Variants in ERC2 observed in about 807,000 individuals in gnomAD.
ERC2 encodes the protein ERC protein 2.
In ERC2, 42 loss-of-function variants were observed where a neutral mutation model predicts 114.8. The observed-to-expected ratio is 0.37, with a 90% CI of 0.29 to 0.47. ERC2 has a LOEUF of 0.47. ERC2 is among the 20% of genes least tolerant of loss of function. The pLI is 0.99. For synonymous variants in ERC2, 454 were observed against 425.5 expected, an observed-to-expected ratio of 1.07 and a Z score of -0.82; for missense variants, 939 against 1,150.7, an observed-to-expected ratio of 0.82 and a Z score of 2.66.
chr3:55,884,712 T>G (rs1260791724), intron 14 of ERC2, among the ~76,000 whole-genome samples: 1 of 152,090 alleles, frequency 6.6e-6, no homozygotes, highest in Non-Finnish European at 1.5e-5. Flanking sequence ...AGTAATCCTG[T>G]GAATGGGAGA....
chr3:56,244,526 A>G (rs1403398070), intron 3 of ERC2, among the ~76,000 whole-genome samples: 21 of 152,070 alleles, frequency 1.4e-4, no homozygotes, highest in Admixed American at 1.4e-3. Flanking sequence ...CAGTGGGATC[A>G]TCAACATCAA....
intron 3 of ERC2, among the ~76,000 whole-genome samples, chr3:56,180,036 GAGA>G (rs2083205017): frequency 6.6e-6 from 1 of 152,142 alleles, no homozygotes; most frequent in South Asian, 2.1e-4. Flanking sequence ...AAAGGAGCCT[GAGA>G]AGGACAGCTA....
At chr3:55,635,390 TTTTC>T (rs1256344832) in intron 17 of ERC2, among the ~76,000 whole-genome samples, 1 of 152,034 alleles carries the variant, frequency 6.6e-6, no homozygotes, top group Non-Finnish European at 1.5e-5. Context: ...AGATGATTTT[TTTTC>T]TTTCTTTTTT....
At chr3:55,766,100 A>G (rs1301476637) in intron 14 of ERC2, among the ~76,000 whole-genome samples, 1 of 152,206 alleles carries the variant, frequency 6.6e-6, no homozygotes, top group African/African-American at 2.4e-5. Context: ...CAAGGCTGCC[A>G]GGAGGAGCAG....
At chr3:55,618,952 TC>T (rs147485289) in intron 17 of ERC2, among the ~76,000 whole-genome samples, 5 of 152,332 alleles carry the variant, frequency 3.3e-5, no homozygotes, top group African/African-American at 7.2e-5. Flanking sequence ...TCTTGCCTTA[TC>T]AGCACATATA....
At chr3:55,718,445 A>G (rs997187850) in intron 15 of ERC2, among the ~76,000 whole-genome samples, 1 of 152,246 alleles carries the variant, frequency 6.6e-6, no homozygotes, top group African/African-American at 2.4e-5. Flanking sequence ...AAAATATCCA[A>G]CAATGGCTTA....
chr3:56,435,478 A>T (rs1339011954), intron 1 of ERC2, among the ~76,000 whole-genome samples: 1 of 152,224 alleles, frequency 6.6e-6, no homozygotes, highest in Non-Finnish European at 1.5e-5. Context: ...CCTCTAGAAA[A>T]TTCCCCATGG....
intron 17 of ERC2, among the ~76,000 whole-genome samples, chr3:55,573,731 T>C (rs2056839601): frequency 6.6e-6 from 1 of 152,170 alleles, no homozygotes; most frequent in Middle Eastern, 3.4e-3. Context: ...TTAATGTGAG[T>C]GCACACAGTT....
At chr3:55,898,043 C>T (rs2063926014) in intron 13 of ERC2, among the ~76,000 whole-genome samples, 1 of 152,192 alleles carries the variant, frequency 6.6e-6, no homozygotes. Flanking sequence ...TTCTCCCTTT[C>T]CTCTTCTCTT....
chr3:55,936,627 C>G (rs372649229), intron 13 of ERC2, among the ~76,000 whole-genome samples: 1 of 152,128 alleles, frequency 6.6e-6, no homozygotes, highest in East Asian at 1.9e-4. Flanking sequence ...GAAGAAAGAA[C>G]CTTCTAGCTA....
chr3:56,247,297 T>G (rs745904133), intron 3 of ERC2, among the ~76,000 whole-genome samples: 4 of 151,426 alleles, frequency 2.6e-5, no homozygotes, highest in Non-Finnish European at 4.4e-5. Context: ...AACAACTTTT[T>G]AAAAGCAAGT....
At chr3:56,162,444 G>T (rs2082098004) in intron 4 of ERC2, among the ~76,000 whole-genome samples, 1 of 152,114 alleles carries the variant, frequency 6.6e-6, no homozygotes, top group Non-Finnish European at 1.5e-5. Flanking sequence ...TATAGTTCCA[G>T]TAAAACTAGT....
intron 17 of ERC2, among the ~76,000 whole-genome samples, chr3:55,625,687 T>G (rs1182565584): frequency 1.3e-5 from 2 of 151,192 alleles, no homozygotes; most frequent in African/African-American, 4.9e-5. Flanking sequence ...GGAGGCGGAG[T>G]TTGCAGTGAG....
chr3:56,284,980 A>G (rs929853328), intron 3 of ERC2, among the ~76,000 whole-genome samples: 46 of 95,114 alleles, frequency 4.8e-4, no homozygotes, highest in African/African-American at 1.9e-3. Flanking sequence ...ATCAATCTCA[A>G]TCACTCTGTC....
intron 14 of ERC2, among the ~76,000 whole-genome samples, chr3:55,736,052 TA>T (rs1394403530): frequency 2.0e-5 from 3 of 152,156 alleles, no homozygotes; most frequent in Non-Finnish European, 4.4e-5. Flanking sequence ...TGCACTACTA[TA>T]AAAACATCTA....
At chr3:56,275,422 T>C (rs1444184121) in intron 3 of ERC2, among the ~76,000 whole-genome samples, 1 of 152,140 alleles carries the variant, frequency 6.6e-6, no homozygotes, top group Non-Finnish European at 1.5e-5. Flanking sequence ...ACTACTATCA[T>C]TGTCATAACA....
At chr3:55,707,880 A>T (rs775036400) in intron 15 of ERC2, among the ~76,000 whole-genome samples, 1 of 152,096 alleles carries the variant, frequency 6.6e-6, no homozygotes, top group Non-Finnish European at 1.5e-5. Context: ...GCTTCTTATT[A>T]CTCCCACTTT....
In ERC2 at chr3:56,296,105, G is replaced by C. The variant is rs551910401; in HGVS notation, c.988C>G (p.Arg330Gly). The C allele has an allele frequency of 2.5e-6, 4 of 1,613,834 alleles. No homozygotes were observed. The East Asian group carries it at 8.9e-5, about 36-fold the overall frequency. ...TGAGACTCAGCCTCTGCCATCCGCC[G>C]CGTTCGCTCATTGTCATCCTCCAGG... Reference protein sequence around the residue: ...KSLEDDNERTRRMAEAESQVS... With the variant: ...KSLEDDNERTGRMAEAESQVS... The change falls in exon 3 of 18, where the codon CGG becomes GGG. Residue 330 changes from arginine (R) to glycine (G), a missense_variant. Arg to Gly is a moderately radical substitution (Grantham distance 125, BLOSUM62 -2). This residue lies in a region of ERC2 where 148 missense variants were observed against 159.1 expected (regional missense o/e 0.93). Transcript: ENST00000288221.
At chr3:55,587,831 T>C (rs1165677588) in intron 17 of ERC2, among the ~76,000 whole-genome samples, 2 of 152,150 alleles carry the variant, frequency 1.3e-5, no homozygotes, top group African/African-American at 4.8e-5. Flanking sequence ...GTAATGACCT[T>C]TTAAACCAGG....
Sources: allele counts gnomAD v4.1 joint callset (sites outside exome capture counted in the v4.1 genomes callset), GRCh38; gene constraint gnomAD v4.1.1; regional missense constraint gnomAD v4.1.1; transcripts MANE v1.5; gene names NCBI Gene and HGNC (gene_info 2026-07-23, HGNC 2026-07-21).